The following PVT1 variants were observed in gnomAD, a reference collection of about 807,000 sequenced individuals.
The protein encoded by PVT1 is Pvt1 oncogene.
chr8:127,868,903 T>C (rs1815322171), intron 2 of PVT1, among the ~76,000 whole-genome samples: 1 of 150,464 alleles, frequency 6.6e-6, no homozygotes, highest in Non-Finnish European at 1.5e-5. Flanking sequence ...CCACAGGCAC[T>C]GCTGTGATCT....
intron 2 of PVT1, among the ~76,000 whole-genome samples, chr8:127,844,417 C>G (rs139697142): frequency 6.6e-4 from 100 of 152,286 alleles, no homozygotes; most frequent in African/African-American, 2.4e-3. Flanking sequence ...AGTTTGTTGT[C>G]CTTCTGTCCC....
At chr8:127,852,594 G>A (rs1815116767) in intron 2 of PVT1, among the ~76,000 whole-genome samples, 1 of 152,222 alleles carries the variant, frequency 6.6e-6, no homozygotes, top group Non-Finnish European at 1.5e-5. Flanking sequence ...GTTTGAATGA[G>A]TTAACATATG....
At chr8:127,931,057 A>T (rs543452074) in intron 3 of PVT1, among the ~76,000 whole-genome samples, 2 of 152,220 alleles carry the variant, frequency 1.3e-5, no homozygotes, top group South Asian at 4.1e-4. Flanking sequence ...GGTGCGCTCC[A>T]CCACACCCAG....
chr8:128,001,258 G>C (rs1313520522), intron 4 of PVT1, among the ~76,000 whole-genome samples: 2 of 152,212 alleles, frequency 1.3e-5, no homozygotes, highest in Non-Finnish European at 2.9e-5. Flanking sequence ...CCAGCCTGCT[G>C]TGCATAAAGG....
intron 2 of PVT1, among the ~76,000 whole-genome samples, chr8:127,805,366 TAAA>T (rs1000174040): frequency 1.3e-5 from 2 of 149,304 alleles, no homozygotes; most frequent in Non-Finnish European, 3.0e-5. Flanking sequence ...TTCAGTTAAT[TAAA>T]AAAAAAACAA....
intron 2 of PVT1, among the ~76,000 whole-genome samples, chr8:127,802,238 C>A (rs773716743): frequency 6.6e-6 from 1 of 151,120 alleles, no homozygotes; most frequent in Non-Finnish European, 1.5e-5. Context: ...ATATGAGACA[C>A]GGTCTCACTC....
intron 5 of PVT1, among the ~76,000 whole-genome samples, chr8:128,071,325 A>G (rs1802661039): frequency 6.6e-6 from 1 of 152,188 alleles, no homozygotes; most frequent in Non-Finnish European, 1.5e-5. Flanking sequence ...GCAAGCAGCA[A>G]CTTCCCCTTC....
At chr8:128,005,819 C>T (rs1474675928) in intron 4 of PVT1, among the ~76,000 whole-genome samples, 4 of 152,042 alleles carry the variant, frequency 2.6e-5, no homozygotes, top group Non-Finnish European at 4.4e-5. Context: ...AAAGACGTTT[C>T]AAGGCCAGGT....
chr8:127,897,533 A>G (rs1563633330), intron 3 of PVT1, among the ~76,000 whole-genome samples: 2 of 149,492 alleles, frequency 1.3e-5, no homozygotes. Context: ...GAAAGAGGAA[A>G]GAAAGAAAGA....
At chr8:128,007,676 C>T (rs563570601) in intron 4 of PVT1, among the ~76,000 whole-genome samples, 1 of 152,266 alleles carries the variant, frequency 6.6e-6, no homozygotes, top group East Asian at 1.9e-4. Flanking sequence ...GTATGAGACA[C>T]CTTTTACTTT....
intron 2 of PVT1, among the ~76,000 whole-genome samples, chr8:127,879,885 T>C (rs1378045145): frequency 6.6e-6 from 1 of 152,236 alleles, no homozygotes; most frequent in African/African-American, 2.4e-5. Context: ...TCATGGAGAT[T>C]TGCTTCTCAC....
intron 3 of PVT1, among the ~76,000 whole-genome samples, chr8:127,891,179 A>G (rs889596782): frequency 2.0e-5 from 3 of 152,092 alleles, no homozygotes; most frequent in African/African-American, 7.2e-5. Context: ...GACGTGTGTT[A>G]TTGTACCTGT....
At chr8:127,948,073 G>A in intron 3 of PVT1, 1 of 378,634 alleles carries the variant, frequency 2.6e-6, no homozygotes, top group Non-Finnish European at 5.2e-6. Flanking sequence ...GTAAGTTTTA[G>A]CTTTCTTCTG....
intron 5 of PVT1, among the ~76,000 whole-genome samples, chr8:128,071,771 T>C (rs1364581186): frequency 6.6e-6 from 1 of 152,074 alleles, no homozygotes; most frequent in African/African-American, 2.4e-5. Context: ...AGCACTTATC[T>C]TTGCCAGGTG....
At chr8:128,071,286 A>G (rs1027867298) in intron 5 of PVT1, among the ~76,000 whole-genome samples, 25 of 152,184 alleles carry the variant, frequency 1.6e-4, no homozygotes, top group Non-Finnish European at 1.5e-4. Context: ...ACAGGTGCAG[A>G]TGAATACCTG....
At chr8:127,988,737 C>A (rs1816998289) in intron 3 of PVT1, among the ~76,000 whole-genome samples, 1 of 152,204 alleles carries the variant, frequency 6.6e-6, no homozygotes, top group Non-Finnish European at 1.5e-5. Flanking sequence ...ATGGGCTGGG[C>A]ACCCAGGGAC....
intron 4 of PVT1, among the ~76,000 whole-genome samples, chr8:128,057,295 G>A (rs551142244): frequency 3.2e-4 from 48 of 152,228 alleles, no homozygotes; most frequent in Admixed American, 1.6e-3. Flanking sequence ...TTATTACCCC[G>A]AAGCTAAGGG....
chr8:127,860,606 T>C (rs1177648433), intron 2 of PVT1, among the ~76,000 whole-genome samples: 1 of 151,346 alleles, frequency 6.6e-6, no homozygotes, highest in East Asian at 1.9e-4. Flanking sequence ...CTACTAAAAA[T>C]ACAAAAAAAT....
intron 2 of PVT1, among the ~76,000 whole-genome samples, chr8:127,851,178 G>A (rs1265942520): frequency 6.6e-6 from 1 of 152,176 alleles, no homozygotes; most frequent in Admixed American, 6.5e-5. Context: ...GCAGGTGGGT[G>A]GTGAATCCGG....
Sources: allele counts gnomAD v4.1 joint callset (sites outside exome capture counted in the v4.1 genomes callset), GRCh38; gene constraint gnomAD v4.1.1; transcripts MANE v1.5; gene names NCBI Gene and HGNC (gene_info 2026-07-23, HGNC 2026-07-21).